Variants in INSYN2A observed in about 807,000 individuals in gnomAD.
INSYN2A encodes the protein inhibitory synaptic factor 2A, also known as family with sequence similarity 196 member A.
In INSYN2A, 17 loss-of-function variants were observed where a neutral mutation model predicts 39.4. The observed-to-expected ratio is 0.43, with a 90% CI of 0.30 to 0.65. The LOEUF (loss-of-function observed/expected upper bound fraction) is 0.65, where lower values mean the gene tolerates loss of function less well. Ranked by LOEUF, INSYN2A falls within the 30% of genes least tolerant of loss-of-function variation. The pLI is 0.14. For missense variants in INSYN2A, 595 were observed against 631.2 expected (o/e 0.94, Z 0.61); for synonymous variants, 255 against 265.7 (o/e 0.96, Z 0.39).
chr10:127,183,278 A>G (rs1057306971), intron 2 of INSYN2A, among the ~76,000 whole-genome samples: 2 of 152,100 alleles, frequency 1.3e-5, no homozygotes, highest in Admixed American at 1.3e-4. Context: ...AATGGTCACT[A>G]CAATGGAAGT....
At chr10:127,152,531 C>CT (rs369822392) in intron 5 of INSYN2A, among the ~76,000 whole-genome samples, 76 of 152,320 alleles carry the variant, frequency 5.0e-4, no homozygotes, top group African/African-American at 1.8e-3. Flanking sequence ...TTACAACACT[C>CT]TAAGGTGGGG....
intron 1 of INSYN2A, among the ~76,000 whole-genome samples, chr10:127,194,387 G>T (rs1211275463): frequency 1.3e-5 from 2 of 152,174 alleles, no homozygotes; most frequent in Non-Finnish European, 2.9e-5. Context: ...AGCTCCTTGT[G>T]CATGTTTGCT....
intron 2 of INSYN2A, among the ~76,000 whole-genome samples, chr10:127,186,439 A>G (rs2056235850): frequency 6.8e-6 from 1 of 146,274 alleles, no homozygotes; most frequent in African/African-American, 2.5e-5. Context: ...TCCTTAACAC[A>G]TCCGATAGAC....
At chr10:127,141,676 C>CA (rs796870030) in intron 5 of INSYN2A, among the ~76,000 whole-genome samples, 3,127 of 139,896 alleles carry the variant, frequency 0.022, 44 homozygotes, top group Middle Eastern at 0.033. Context: ...GTCTTTAAAA[C>CA]AAAAAAAAAA....
At chr10:127,141,268 C>T (rs141033634) in intron 5 of INSYN2A, among the ~76,000 whole-genome samples, 1 of 152,320 alleles carries the variant, frequency 6.6e-6, no homozygotes, top group African/African-American at 2.4e-5. Context: ...TTCCTAAATG[C>T]ATCTTCTCGA....
intron 4 of INSYN2A, among the ~76,000 whole-genome samples, chr10:127,169,074 A>G (rs1679606705): frequency 1.3e-5 from 2 of 152,220 alleles, no homozygotes; most frequent in Admixed American, 1.3e-4. Flanking sequence ...CGCAAGTCAC[A>G]TCACGCAAAC....
At chr10:127,182,452 G>A (rs375077747) in intron 2 of INSYN2A, among the ~76,000 whole-genome samples, 2 of 152,228 alleles carry the variant, frequency 1.3e-5, no homozygotes, top group East Asian at 3.9e-4. Flanking sequence ...AAAAGAACCA[G>A]GGAATGGCCC....
In INSYN2A at chr10:127,176,439, G is replaced by C; in HGVS notation, c.-5-39C>G. 2 of 1,519,996 alleles carry C rather than the reference G, an allele frequency of 1.3e-6. No homozygotes were observed. 94.2% of individuals were successfully genotyped at this position (1,519,996 alleles called of 1,614,324 possible). On this transcript the variant is annotated intron_variant, in intron 3 of 5. Coordinates refer to ENST00000522781, the MANE Select transcript of INSYN2A (RefSeq NM_001039762.3). The surrounding 1 kb of genome is among the most constrained non-coding windows in gnomAD (Gnocchi z 4.4). ...CAGCAACAGAGGTGTCAGTGGGACA[G>C]AAATACACACTCAAGCACCGGCCGC...
At chr10:127,178,295 C>T (rs575926264) in intron 2 of INSYN2A, among the ~76,000 whole-genome samples, 217 of 152,262 alleles carry the variant, frequency 1.4e-3, no homozygotes, top group African/African-American at 4.7e-3. Flanking sequence ...GTAAGAACAA[C>T]AAAAAACAAT....
intron 4 of INSYN2A, among the ~76,000 whole-genome samples, chr10:127,155,896 T>A (rs2052997065): frequency 6.6e-6 from 1 of 152,188 alleles, no homozygotes; most frequent in African/African-American, 2.4e-5. Context: ...CTGAATGTGT[T>A]GTTAAACTGT....
Position 127,168,823 on chromosome 10 carries a change from G to T in INSYN2A, c.1184+6389C>A, listed in dbSNP as rs568754161. Among the ~76,000 whole-genome samples, 127 of 152,294 alleles carry T rather than the reference G, an allele frequency of 8.3e-4. 1 individual carries two copies. Among genetic ancestry groups the T allele is most frequent in the Non-Finnish European group, 1.1e-3 (78 of 68,030 alleles). On this transcript the variant is annotated intron_variant, in intron 4 of 5. Transcript: ENST00000522781. ...TCCTCAGCGTTTATGCACAGCTGCT[G>T]CAGCGGTGCACAATTTTCCATGTGG... is the stretch of plus-strand genomic sequence containing the variant.
At chr10:127,169,598 G>A (rs926928626) in intron 4 of INSYN2A, among the ~76,000 whole-genome samples, 2 of 152,154 alleles carry the variant, frequency 1.3e-5, no homozygotes, top group African/African-American at 4.8e-5. Flanking sequence ...ACACAAGTAT[G>A]CCCATTCATA....
At chr10:127,192,367 A>G (rs1564889458) in intron 2 of INSYN2A, among the ~76,000 whole-genome samples, 1 of 152,222 alleles carries the variant, frequency 6.6e-6, no homozygotes, top group Admixed American at 6.5e-5. Flanking sequence ...CTTGTCCCTA[A>G]TATCTGCTGT....
chr10:127,147,018 T>A (rs1413626960), intron 5 of INSYN2A, among the ~76,000 whole-genome samples: 1 of 152,176 alleles, frequency 6.6e-6, no homozygotes, highest in African/African-American at 2.4e-5. Flanking sequence ...CACCCTCTGT[T>A]TTGTGGTCTT....
intron 5 of INSYN2A, among the ~76,000 whole-genome samples, chr10:127,147,895 G>T (rs1281882009): frequency 6.6e-6 from 1 of 151,740 alleles, no homozygotes; most frequent in Non-Finnish European, 1.5e-5. Context: ...GCCAGGATTG[G>T]CGGTGCGCGC....
Position 127,175,116 on chromosome 10 carries a change from G to T in INSYN2A, c.1184+96C>A. ...CTATGACCTGTTTACGGAAATGCTG[G>T]CTTTAGTCTCATTACAGACTTGGGT... On this transcript the variant is annotated intron_variant, in intron 4 of 5. Coordinates refer to ENST00000522781, the MANE Select transcript of INSYN2A (RefSeq NM_001039762.3). The surrounding 1 kb of genome is among the most constrained non-coding windows in gnomAD (Gnocchi z 6.3). The T allele has an allele frequency of 9.3e-7, 1 of 1,072,806 alleles. No homozygotes were observed. The highest frequency in any genetic ancestry group is 1.4e-6 in the Non-Finnish European group (1 of 724,908). 66.5% of individuals were successfully genotyped at this position (1,072,806 alleles called of 1,614,324 possible).
At chr10:127,186,525 G>A (rs60617392) in intron 2 of INSYN2A, among the ~76,000 whole-genome samples, 5,695 of 26,210 alleles carry the variant, frequency 0.22, 1,193 homozygotes, top group African/African-American at 0.52. Context: ...GCCCCCCCCC[G>A]ATCCAGTTAC....
intron 4 of INSYN2A, among the ~76,000 whole-genome samples, chr10:127,171,078 T>G (rs1399376690): frequency 6.6e-6 from 1 of 152,242 alleles, no homozygotes; most frequent in East Asian, 1.9e-4. Context: ...TTGTAGATAC[T>G]GTATTTCAGT....
At chr10:127,157,977 T>C (rs2053243380) in intron 4 of INSYN2A, among the ~76,000 whole-genome samples, 1 of 152,208 alleles carries the variant, frequency 6.6e-6, no homozygotes, top group Non-Finnish European at 1.5e-5. Flanking sequence ...GTGTTCTCAA[T>C]AGAGGGCTTA....
Sources: allele counts gnomAD v4.1 joint callset (sites outside exome capture counted in the v4.1 genomes callset), GRCh38; gene constraint gnomAD v4.1.1; non-coding constraint Gnocchi (gnomAD v3.1); transcripts MANE v1.5; gene names NCBI Gene and HGNC (gene_info 2026-07-23, HGNC 2026-07-21).